SCMH1: variants seen among roughly 807,000 people sequenced by gnomAD.
The protein encoded by SCMH1 is Scm polycomb group protein homolog 1.
A neutral mutation model predicts 70.8 loss-of-function variants in SCMH1; 37 were observed. The ratio of observed to expected loss-of-function variants is 0.52; its 90% CI spans 0.40 to 0.69. SCMH1 has a LOEUF of 0.69. Among genes scored for constraint, SCMH1 ranks in the 30% least tolerant of loss-of-function variants. SCMH1 has a pLI of 0.00. For synonymous variants in SCMH1, 292 were observed against 307.4 expected, an observed-to-expected ratio of 0.95 and a Z score of 0.52; for missense variants, 607 against 827.3, an observed-to-expected ratio of 0.73 and a Z score of 3.27.
At chr1:41,193,563 T>C (rs1276573247) in intron 1 of SCMH1, among the ~76,000 whole-genome samples, 1 of 152,026 alleles carries the variant, frequency 6.6e-6, no homozygotes, top group Non-Finnish European at 1.5e-5. Flanking sequence ...GGAGATGAAG[T>C]TGAGCTAGGA....
chr1:41,240,511 T>C (rs1382382846), intron 1 of SCMH1, among the ~76,000 whole-genome samples: 1 of 151,918 alleles, frequency 6.6e-6, no homozygotes, highest in African/African-American at 2.4e-5. Context: ...CAACCAAATA[T>C]TAAAATTGCA....
intron 4 of SCMH1, among the ~76,000 whole-genome samples, chr1:41,159,087 T>C (rs1645807426): frequency 6.6e-6 from 1 of 152,012 alleles, no homozygotes; most frequent in South Asian, 2.1e-4. Context: ...TGGGCAAGGG[T>C]AGATTATTTT....
intron 13 of SCMH1, among the ~76,000 whole-genome samples, chr1:41,032,761 C>T (rs184053574): frequency 2.6e-5 from 4 of 152,136 alleles, no homozygotes; most frequent in Admixed American, 6.5e-5. Context: ...GGGCAAATCA[C>T]GAGGTCAGGA....
chr1:41,028,969 A>G (rs900231005), intron 13 of SCMH1, among the ~76,000 whole-genome samples: 10 of 152,136 alleles, frequency 6.6e-5, no homozygotes, highest in Non-Finnish European at 1.2e-4. Context: ...CATTGAGGCT[A>G]TGATTCAGCC....
intron 2 of SCMH1, among the ~76,000 whole-genome samples, chr1:41,170,821 T>C (rs550265553): frequency 6.6e-6 from 1 of 152,224 alleles, no homozygotes; most frequent in Non-Finnish European, 1.5e-5. Flanking sequence ...CTCATTCAAA[T>C]AGGGTGTGTC....
exon 2 of SCMH1, chr1:41,186,223 C>T: frequency 1.3e-6 from 1 of 757,986 alleles, no homozygotes; most frequent in Non-Finnish European, 2.3e-6. Context: ...TCTGACAAGT[C>T]AGTTTCTTTG....
At chr1:41,146,660 C>A (rs1644604604) in intron 5 of SCMH1, among the ~76,000 whole-genome samples, 1 of 151,916 alleles carries the variant, frequency 6.6e-6, no homozygotes, top group African/African-American at 2.4e-5. Context: ...GTTTTGTAGC[C>A]TAGGAAGAAT....
intron 8 of SCMH1, among the ~76,000 whole-genome samples, chr1:41,108,314 G>A (rs1572195581): frequency 6.6e-6 from 1 of 152,126 alleles, no homozygotes; most frequent in East Asian, 1.9e-4. Flanking sequence ...ATGTTGTCTC[G>A]CTGCTATCAA....
exon 10 of SCMH1, chr1:41,070,703 G>C: frequency 6.2e-7 from 1 of 1,614,056 alleles, no homozygotes; most frequent in Non-Finnish European, 8.5e-7. Context: ...GGTGGGTTCA[G>C]CAAAGTCCGA....
At chr1:41,092,759 G>C (rs1303766567) in intron 8 of SCMH1, among the ~76,000 whole-genome samples, 1 of 152,128 alleles carries the variant, frequency 6.6e-6, no homozygotes, top group Non-Finnish European at 1.5e-5. Flanking sequence ...GCAGCCAACA[G>C]ACACATGAAA....
chr1:41,141,035 T>C (rs1232179650), intron 6 of SCMH1, among the ~76,000 whole-genome samples: 12 of 152,172 alleles, frequency 7.9e-5, no homozygotes, highest in African/African-American at 2.4e-4. Flanking sequence ...ACCAATTCAT[T>C]GAAAATTGGT....
At chr1:41,029,420 G>C (rs990658875) in intron 13 of SCMH1, among the ~76,000 whole-genome samples, 1 of 152,168 alleles carries the variant, frequency 6.6e-6, no homozygotes, top group Admixed American at 6.5e-5. Context: ...GGCTGGTCTT[G>C]AATTCCTGAC....
chr1:41,033,904 G>T lies in SCMH1; in HGVS notation c.1678+3458C>A, dbSNP rs976066752. 3.1e-6 allele frequency: 5 copies of T among 1,601,202 alleles called. No homozygotes were observed. In the African/African-American group the frequency reaches 4.0e-5, roughly 13 times the overall value. On this transcript the variant is annotated intron_variant, in intron 13 of 14. Transcript: ENST00000337495. ...CAGTACCATCTGAGGCCAGTGCCAG[G>T]AGGGCAGCCTATCACAAAGTACTCT... is the stretch of plus-strand genomic sequence containing the variant.
intron 6 of SCMH1, among the ~76,000 whole-genome samples, chr1:41,124,461 T>C (rs1672689994): frequency 6.6e-6 from 1 of 152,206 alleles, no homozygotes; most frequent in East Asian, 1.9e-4. Context: ...TCATGTATAA[T>C]AGTCCTGTTG....
At chr1:41,223,960 CATCCTCGGATG>C (rs2148864779) in intron 1 of SCMH1, among the ~76,000 whole-genome samples, 1 of 152,264 alleles carries the variant, frequency 6.6e-6, no homozygotes, top group East Asian at 1.9e-4. Flanking sequence ...GTACAAAAAT[CATCCTCGGATG>C]ATCCAGCCCT....
At chr1:41,138,974 A>G (rs1472141351) in intron 6 of SCMH1, among the ~76,000 whole-genome samples, 1 of 152,220 alleles carries the variant, frequency 6.6e-6, no homozygotes, top group Non-Finnish European at 1.5e-5. Flanking sequence ...ATGAGTTGGC[A>G]TAGTGAAATA....
chr1:41,134,357 C>T (rs1379304306), intron 6 of SCMH1, among the ~76,000 whole-genome samples: 1 of 152,172 alleles, frequency 6.6e-6, no homozygotes, highest in Non-Finnish European at 1.5e-5. Context: ...GGAAGCATTC[C>T]CTTTCAAAAC....
intron 6 of SCMH1, among the ~76,000 whole-genome samples, chr1:41,121,898 C>A (rs1169650183): frequency 6.6e-6 from 1 of 152,092 alleles, no homozygotes; most frequent in Non-Finnish European, 1.5e-5. Context: ...TGATTCTTCC[C>A]TTTCTATCAC....
intron 1 of SCMH1, among the ~76,000 whole-genome samples, chr1:41,236,347 T>C (rs529999563): frequency 7.3e-4 from 111 of 152,126 alleles, no homozygotes; most frequent in Non-Finnish European, 1.2e-3. Context: ...ACAGAGGAAG[T>C]AGTATGTTCT....
Sources: gnomAD v4.1 joint callset for allele counts (sites outside exome capture counted in the v4.1 genomes callset) on GRCh38, gnomAD v4.1.1 for gene constraint, MANE v1.5 for transcripts, NCBI Gene and HGNC (gene_info 2026-07-23, HGNC 2026-07-21) for gene names.